Variants in FLI1 observed in about 807,000 individuals in gnomAD.
The protein encoded by FLI1 is Fli-1 proto-oncogene, ETS transcription factor, also known as Friend leukemia integration 1 transcription factor.
Under a neutral mutation model 53.1 loss-of-function variants are expected in FLI1, and 13 were observed. That is an observed-to-expected ratio of 0.24 (90% CI 0.16 to 0.39). The LOEUF (loss-of-function observed/expected upper bound fraction) is 0.39, where lower values mean the gene tolerates loss of function less well. Among genes scored for constraint, FLI1 ranks in the 10% least tolerant of loss-of-function variants. FLI1 has a pLI of 1.00. For missense variants in FLI1, 424 were observed against 600.5 expected (o/e 0.71, Z 3.07); for synonymous variants, 244 against 236.7 (o/e 1.03, Z -0.28).
intron 5 of FLI1, among the ~76,000 whole-genome samples, chr11:128,793,505 G>A (rs1412108788): frequency 6.6e-6 from 1 of 152,088 alleles, no homozygotes; most frequent in Non-Finnish European, 1.5e-5. Flanking sequence ...TGAGAGCCAG[G>A]GCTTCATCCC....
rs1937910568 is a variant in FLI1, at chr11:128,694,197, G to A, written c.-62G>A. On this transcript the variant is annotated 5_prime_UTR_variant, in exon 1 of 9. Transcript: ENST00000527786. ...CCGGGCTAATCCGAAGGGGCTGCGA[G>A]GTCAGGCTGTAACCGGGTCAATGTG... 2.2e-5 allele frequency: 33 copies of A among 1,509,194 alleles called. 1 individual carries two copies. In the South Asian group the frequency reaches 4.2e-4, roughly 19 times the overall value. 93.5% of individuals were successfully genotyped at this position (1,509,194 alleles called of 1,614,324 possible). A position where few individuals can be genotyped will look rare whatever the true frequency, so the allele number is the denominator to read the frequency against.
At chr11:128,805,809 C>T (rs919482056) in intron 6 of FLI1, 2 of 176,394 alleles carry the variant, frequency 1.1e-5, no homozygotes, top group Non-Finnish European at 2.4e-5. Flanking sequence ...GTACCAATTT[C>T]CCCATTCCCC....
intron 5 of FLI1, among the ~76,000 whole-genome samples, chr11:128,786,261 C>T (rs773105554): frequency 5.3e-5 from 8 of 152,112 alleles, no homozygotes; most frequent in Non-Finnish European, 1.0e-4. Flanking sequence ...ACACACTGGG[C>T]GGTTGTCTGG....
intron 4 of FLI1, among the ~76,000 whole-genome samples, chr11:128,780,021 G>A (rs370053767): frequency 3.9e-5 from 6 of 152,288 alleles, no homozygotes; most frequent in East Asian, 1.9e-4. Context: ...CACTATTACC[G>A]TTGTCGTATA....
intron 3 of FLI1, among the ~76,000 whole-genome samples, chr11:128,772,051 CACACACACACACACACACACACACACAT>C (rs915757227): frequency 2.8e-5 from 4 of 142,716 alleles, no homozygotes; most frequent in African/African-American, 8.0e-5. Context: ...CACACACACA[CACACACACACACACACACACACACACAT>C]ACACACACTG....
chr11:128,782,090 T>A, intron 5 of FLI1, 67 bp downstream of exon 5: 2 of 1,323,686 alleles, frequency 1.5e-6, no homozygotes, highest in Non-Finnish European at 2.2e-6. Context: ...CCCATGCTGT[T>A]AAGGTTGTTG....
intron 5 of FLI1, among the ~76,000 whole-genome samples, chr11:128,799,497 A>G (rs1437065311): frequency 1.3e-5 from 2 of 152,214 alleles, no homozygotes; most frequent in Non-Finnish European, 2.9e-5. Context: ...GAGAAGCAGA[A>G]CTGGAGGTTC....
chr11:128,699,050 G>A (rs1455042188), intron 1 of FLI1, among the ~76,000 whole-genome samples: 2 of 152,110 alleles, frequency 1.3e-5, no homozygotes, highest in African/African-American at 4.8e-5. Context: ...TAGACAGACG[G>A]AATTCTTATT....
chr11:128,756,076 C>A (rs1232469145), intron 1 of FLI1, among the ~76,000 whole-genome samples: 2 of 152,200 alleles, frequency 1.3e-5, no homozygotes, highest in Non-Finnish European at 2.9e-5. Context: ...GTGAATTACA[C>A]AAGGAAGGTA....
At chr11:128,794,506 G>C (rs1942372744) in intron 5 of FLI1, among the ~76,000 whole-genome samples, 1 of 152,224 alleles carries the variant, frequency 6.6e-6, no homozygotes, top group African/African-American at 2.4e-5. Flanking sequence ...GTGCCAGACA[G>C]AGATCTATGA....
At chr11:128,787,807 A>ATTTTT (rs35352545) in intron 5 of FLI1, among the ~76,000 whole-genome samples, 1 of 137,380 alleles carries the variant, frequency 7.3e-6, no homozygotes, top group Non-Finnish European at 1.5e-5. Flanking sequence ...GCTAATTACA[A>ATTTTT]TTTTTTTTTT....
intron 1 of FLI1, among the ~76,000 whole-genome samples, chr11:128,695,134 C>G (rs1004455493): frequency 6.6e-6 from 1 of 152,218 alleles, no homozygotes; most frequent in East Asian, 1.9e-4. Flanking sequence ...GCCCGCGCCC[C>G]GCGCCCGCCC....
At chr11:128,714,681 C>T (rs1014149814) in intron 1 of FLI1, among the ~76,000 whole-genome samples, 6 of 150,796 alleles carry the variant, frequency 4.0e-5, no homozygotes, top group African/African-American at 1.5e-4. Context: ...TACTGATGAG[C>T]CCAGCACTGT....
chr11:128,705,486 C>A (rs2135709564), intron 1 of FLI1, among the ~76,000 whole-genome samples: 1 of 152,274 alleles, frequency 6.6e-6, no homozygotes, highest in South Asian at 2.1e-4. Context: ...TTGCTCTCTT[C>A]TTCATTCTAT....
At position 128,805,647 on chromosome 11, in the gene FLI1, C is replaced by T. The variant is rs556588766; in HGVS notation, c.721+216C>T. 75 of 519,136 alleles carry T rather than the reference C, an allele frequency of 1.4e-4. 1 individual carries two copies. In the South Asian group the frequency reaches 1.8e-3, roughly 12 times the overall value. 32.2% of individuals were successfully genotyped at this position (519,136 alleles called of 1,614,324 possible). ...TAGATTTTTGAGTTTTGTTTTATTG[C>T]GCTCGGTTTTAGAACATGGGAAATT... On this transcript the variant is annotated intron_variant, in intron 6 of 8. Transcript: ENST00000527786.
chr11:128,797,077 C>A (rs981358998), intron 5 of FLI1, among the ~76,000 whole-genome samples: 1 of 152,248 alleles, frequency 6.6e-6, no homozygotes, highest in Non-Finnish European at 1.5e-5. Context: ...TCCTTTCCTG[C>A]AAAGCATTTC....
chr11:128,691,425 C>G (rs1937735141), upstream of FLI1, among the ~76,000 whole-genome samples: 1 of 152,178 alleles, frequency 6.6e-6, no homozygotes, highest in Non-Finnish European at 1.5e-5. Flanking sequence ...GGCATCTAGT[C>G]AGAGTTAGGT....
intron 1 of FLI1, among the ~76,000 whole-genome samples, chr11:128,751,585 G>A (rs574905233): frequency 6.6e-6 from 1 of 152,072 alleles, no homozygotes; most frequent in South Asian, 2.1e-4. Context: ...GAAGTGCAGT[G>A]GTGTGATCTC....
chr11:128,686,333 G>A (rs1472146001), upstream of FLI1: 1 of 456,164 alleles, frequency 2.2e-6, no homozygotes, highest in Non-Finnish European at 4.4e-6. Flanking sequence ...CAGGCCCTGG[G>A]GGAGGCGGCA....
Sources: allele counts gnomAD v4.1 joint callset (sites outside exome capture counted in the v4.1 genomes callset), GRCh38; gene constraint gnomAD v4.1.1; transcripts MANE v1.5; gene names NCBI Gene and HGNC (gene_info 2026-07-23, HGNC 2026-07-21).